The following TYW1 variants were observed in gnomAD, a reference collection of about 807,000 sequenced individuals.
TYW1 encodes the protein tRNA-yW synthesizing protein 1 homolog.
A neutral mutation model predicts 96.2 loss-of-function variants in TYW1; 46 were observed. The ratio of observed to expected loss-of-function variants is 0.48; its 90% CI spans 0.38 to 0.61. The LOEUF is 0.61. Ranked by LOEUF, TYW1 falls within the 20% of genes least tolerant of loss-of-function variation. The pLI, the probability that TYW1 is intolerant of heterozygous loss-of-function variation, is 0.00. For missense variants in TYW1, 684 were observed against 909.6 expected, an observed-to-expected ratio of 0.75 and a Z score of 3.19; for synonymous variants, 274 against 323.0, an observed-to-expected ratio of 0.85 and a Z score of 1.63.
intron 11 of TYW1, among the ~76,000 whole-genome samples, chr7:67,093,059 G>C (rs1016033781): frequency 6.6e-6 from 1 of 152,122 alleles, no homozygotes; most frequent in African/African-American, 2.4e-5. Context: ...CCTAGCACCT[G>C]AGGAGGCAGA....
intron 13 of TYW1, among the ~76,000 whole-genome samples, chr7:67,152,980 T>G (rs757285450): frequency 2.6e-5 from 4 of 152,236 alleles, no homozygotes; most frequent in South Asian, 4.1e-4. Flanking sequence ...CAAGCCTGCC[T>G]TCCTCCTTGC....
intron 15 of TYW1, among the ~76,000 whole-genome samples, chr7:67,219,093 C>T (rs1608582): frequency 0.35 from 52,516 of 151,910 alleles, 10,205 homozygotes; most frequent in African/African-American, 0.53. Context: ...CCTTCTTTGT[C>T]GAGTGTTTTT....
chr7:67,083,653 A>G (rs2115774917), intron 11 of TYW1, 114 bp downstream of exon 11: 2 of 1,144,612 alleles, frequency 1.7e-6, no homozygotes, highest in African/African-American at 3.1e-5. Flanking sequence ...ATTTTCCTCT[A>G]AGGAAGTGAA....
intron 14 of TYW1, among the ~76,000 whole-genome samples, chr7:67,192,049 C>T (rs757538231): frequency 6.6e-6 from 1 of 151,818 alleles, no homozygotes; most frequent in Non-Finnish European, 1.5e-5. Flanking sequence ...GCGGGCACCA[C>T]CACGCCCAGC....
intron 13 of TYW1, among the ~76,000 whole-genome samples, chr7:67,158,727 G>C (rs879141878): frequency 6.6e-6 from 1 of 151,962 alleles, no homozygotes; most frequent in Admixed American, 6.6e-5. Context: ...TCGCCACCAC[G>C]CCTGGCTAAT....
At chr7:67,166,034 G>A (rs997536759) in intron 13 of TYW1, among the ~76,000 whole-genome samples, 7 of 152,002 alleles carry the variant, frequency 4.6e-5, no homozygotes, top group African/African-American at 1.7e-4. Context: ...GAGGCCAGGA[G>A]TTTGAGACCA....
At chr7:67,145,963 G>A (rs1423002638) in intron 13 of TYW1, among the ~76,000 whole-genome samples, 1 of 151,950 alleles carries the variant, frequency 6.6e-6, no homozygotes, top group Non-Finnish European at 1.5e-5. Context: ...GACAGAGTTT[G>A]GCATGTTGCC....
Position 67,014,401 on chromosome 7 carries a change from C to T in TYW1, c.410C>T (p.Ala137Val), listed in dbSNP as rs751833720. Residue 137 changes from alanine (A) to valine (V), a missense_variant, in exon 5 of 16, where the codon GCG becomes GTG. Coordinates refer to ENST00000359626, the MANE Select transcript of TYW1 (RefSeq NM_018264.4). ...AAAAATGTCTGTGTCTTCCTGGTTGCGACATACACTGACGGCCTACCAACT... is the reference window on the plus strand; with the variant it reads ...AAAAATGTCTGTGTCTTCCTGGTTGTGACATACACTGACGGCCTACCAACT... Reference protein sequence around the residue: ...TSKNVCVFLVATYTDGLPTES... With the variant: ...TSKNVCVFLVVTYTDGLPTES... 4.3e-5 allele frequency: 69 copies of T among 1,612,448 alleles called. 1 individual carries two copies. In the South Asian group the frequency reaches 4.4e-4, roughly 10 times the overall value.
intron 15 of TYW1, among the ~76,000 whole-genome samples, chr7:67,218,558 G>T (rs181787025): frequency 6.6e-6 from 1 of 151,984 alleles, no homozygotes; most frequent in African/African-American, 2.4e-5. Flanking sequence ...TTACCATGTT[G>T]ACCAGACTTA....
intron 13 of TYW1, among the ~76,000 whole-genome samples, chr7:67,129,976 C>T (rs1480478910): frequency 1.3e-5 from 2 of 152,020 alleles, no homozygotes; most frequent in Non-Finnish European, 2.9e-5. Context: ...GATAAGCTAT[C>T]ATTACTACGT....
chr7:67,237,628 C>T (rs1344409450), intron 15 of TYW1, among the ~76,000 whole-genome samples: 1 of 151,810 alleles, frequency 6.6e-6, no homozygotes, highest in Non-Finnish European at 1.5e-5. Context: ...AAAGCCTTCA[C>T]AGTTCAATTA....
At chr7:67,154,858 G>A (rs1160364281) in intron 13 of TYW1, among the ~76,000 whole-genome samples, 1 of 151,848 alleles carries the variant, frequency 6.6e-6, no homozygotes, top group African/African-American at 2.4e-5. Context: ...TGTCACATAG[G>A]CTTTCTGTAT....
intron 13 of TYW1, among the ~76,000 whole-genome samples, chr7:67,124,996 G>A (rs895298512): frequency 2.0e-5 from 3 of 152,056 alleles, no homozygotes; most frequent in African/African-American, 4.8e-5. Context: ...ACCATGCCCA[G>A]CTAATTTTAT....
intron 15 of TYW1, among the ~76,000 whole-genome samples, chr7:67,199,194 CAAAAAAAA>C (rs955993833): frequency 1.4e-5 from 2 of 145,740 alleles, no homozygotes; most frequent in Non-Finnish European, 3.0e-5. Flanking sequence ...GAGACCATCT[CAAAAAAAA>C]AAAATAAATA....
chr7:67,082,708 G>C (rs1045659942), intron 10 of TYW1, among the ~76,000 whole-genome samples: 1 of 152,116 alleles, frequency 6.6e-6, no homozygotes. Flanking sequence ...CGTTGTGTCT[G>C]TCTTGGGGGT....
At chr7:67,108,843 G>T (rs1797316376) in intron 12 of TYW1, among the ~76,000 whole-genome samples, 2 of 152,130 alleles carry the variant, frequency 1.3e-5, no homozygotes, top group Non-Finnish European at 2.9e-5. Context: ...GGTCGAAATT[G>T]TATAGAGCAT....
chr7:67,149,767 T>C, intron 13 of TYW1, among the ~76,000 whole-genome samples: 1 of 84,832 alleles, frequency 1.2e-5, no homozygotes, highest in Admixed American at 1.0e-4. Context: ...TCTATCTATC[T>C]ATCTATCTCT....
At chr7:67,126,624 T>TA (rs1241361974) in intron 13 of TYW1, among the ~76,000 whole-genome samples, 2 of 152,212 alleles carry the variant, frequency 1.3e-5, no homozygotes, top group Non-Finnish European at 2.9e-5. Context: ...GTAATCCACT[T>TA]AGAGTTAATT....
intron 15 of TYW1, among the ~76,000 whole-genome samples, chr7:67,235,773 A>G (rs1801864735): frequency 6.6e-6 from 1 of 151,800 alleles, no homozygotes; most frequent in Non-Finnish European, 1.5e-5. Flanking sequence ...AGGTGCCAGT[A>G]GTCCCAGCTA....
Sources: gnomAD v4.1 joint callset for allele counts (sites outside exome capture counted in the v4.1 genomes callset) on GRCh38, gnomAD v4.1.1 for gene constraint, MANE v1.5 for transcripts, NCBI Gene and HGNC (gene_info 2026-07-23, HGNC 2026-07-21) for gene names.